The following CNTN4 variants were observed in gnomAD, a reference collection of about 807,000 sequenced individuals.
The protein encoded by CNTN4 is contactin-4.
A neutral mutation model predicts 122.5 loss-of-function variants in CNTN4; 77 were observed. That is an observed-to-expected ratio of 0.63 (90% CI 0.52 to 0.76). The LOEUF (loss-of-function observed/expected upper bound fraction) is 0.76. Among genes scored for constraint, CNTN4 ranks in the 30% least tolerant of loss-of-function variants. The pLI is 0.00. For synonymous variants in CNTN4, 512 were observed against 447.0 expected, an observed-to-expected ratio of 1.15 and a Z score of -1.83; for missense variants, 1,256 against 1,259.1, an observed-to-expected ratio of 1.00 and a Z score of 0.04.
chr3:2,966,177 C>G (rs1249566554), intron 13 of CNTN4, among the ~76,000 whole-genome samples: 1 of 152,014 alleles, frequency 6.6e-6, no homozygotes, highest in South Asian at 2.1e-4. Flanking sequence ...CAGCTAGTAT[C>G]AAATTTTAAA....
At chr3:2,946,290 A>G (rs528488444) in intron 13 of CNTN4, among the ~76,000 whole-genome samples, 1 of 152,000 alleles carries the variant, frequency 6.6e-6, no homozygotes, top group Non-Finnish European at 1.5e-5. Flanking sequence ...GCTTTGGAAA[A>G]TCCCTCCTGA....
At chr3:2,960,018 C>T (rs1047113882) in intron 13 of CNTN4, among the ~76,000 whole-genome samples, 22 of 152,100 alleles carry the variant, frequency 1.4e-4, no homozygotes, top group African/African-American at 5.3e-4. Flanking sequence ...TGAAATCTGT[C>T]TCATGATATC....
chr3:2,986,735 A>G (rs1329486798), intron 13 of CNTN4, among the ~76,000 whole-genome samples: 1 of 152,160 alleles, frequency 6.6e-6, no homozygotes, highest in Non-Finnish European at 1.5e-5. Context: ...ACCACTCTGA[A>G]TTCCTACAAC....
At chr3:2,178,262 T>A (rs999570975) in intron 2 of CNTN4, among the ~76,000 whole-genome samples, 1 of 152,060 alleles carries the variant, frequency 6.6e-6, no homozygotes, top group African/African-American at 2.4e-5. Context: ...CAAAGGTACA[T>A]ACTTTTTTTT....
At chr3:2,937,250 C>T (rs539571847) in intron 13 of CNTN4, among the ~76,000 whole-genome samples, 1 of 152,216 alleles carries the variant, frequency 6.6e-6, no homozygotes, top group South Asian at 2.1e-4. Context: ...GTGGGAGGTC[C>T]GAATTATCTC....
chr3:2,236,748 C>T (rs1350669527), intron 2 of CNTN4, among the ~76,000 whole-genome samples: 1 of 152,194 alleles, frequency 6.6e-6, no homozygotes, highest in African/African-American at 2.4e-5. Flanking sequence ...TATTGGATGT[C>T]AGGCTCTGCA....
At chr3:2,432,262 C>T (rs1001174339) in intron 3 of CNTN4, among the ~76,000 whole-genome samples, 8 of 152,156 alleles carry the variant, frequency 5.3e-5, no homozygotes, top group Non-Finnish European at 1.0e-4. Flanking sequence ...TGTGCTTATG[C>T]ATTCATGTGT....
chr3:2,289,329 T>C (rs915218933), intron 2 of CNTN4, among the ~76,000 whole-genome samples: 9 of 152,300 alleles, frequency 5.9e-5, no homozygotes, highest in Admixed American at 2.0e-4. Flanking sequence ...ATTTGACCTA[T>C]GTTTCTCATT....
At chr3:2,220,485 G>C (rs1301716695) in intron 2 of CNTN4, among the ~76,000 whole-genome samples, 1 of 152,028 alleles carries the variant, frequency 6.6e-6, no homozygotes, top group Admixed American at 6.6e-5. Context: ...TCAAATATTT[G>C]TATCTGTCTA....
chr3:2,172,932 A>G (rs1199048913), intron 2 of CNTN4, among the ~76,000 whole-genome samples: 1 of 152,176 alleles, frequency 6.6e-6, no homozygotes, highest in African/African-American at 2.4e-5. Context: ...AAGAAAGGCA[A>G]AGATGATTGA....
intron 6 of CNTN4, among the ~76,000 whole-genome samples, chr3:2,813,477 C>CT (rs929966287): frequency 6.6e-6 from 1 of 151,920 alleles, no homozygotes; most frequent in African/African-American, 2.4e-5. Context: ...ATCATTTTTC[C>CT]TTTTTTTCTT....
intron 9 of CNTN4, among the ~76,000 whole-genome samples, chr3:2,885,459 T>G (rs1559619257): frequency 6.6e-6 from 1 of 152,172 alleles, no homozygotes; most frequent in African/African-American, 2.4e-5. Context: ...AATATATAAA[T>G]GACAAGGAGA....
intron 14 of CNTN4, among the ~76,000 whole-genome samples, chr3:3,022,289 G>T (rs112088281): frequency 6.6e-6 from 1 of 152,232 alleles, no homozygotes; most frequent in Non-Finnish European, 1.5e-5. Flanking sequence ...GGTGTTGCAT[G>T]CCTCTAGTCC....
At chr3:2,491,824 G>A (rs2076325256) in intron 3 of CNTN4, among the ~76,000 whole-genome samples, 1 of 152,160 alleles carries the variant, frequency 6.6e-6, no homozygotes, top group South Asian at 2.1e-4. Flanking sequence ...CTTCCGTCAA[G>A]GAGCAGACTG....
intron 3 of CNTN4, among the ~76,000 whole-genome samples, chr3:2,552,046 T>A (rs2078530549): frequency 1.3e-5 from 2 of 152,162 alleles, no homozygotes; most frequent in African/African-American, 4.8e-5. Flanking sequence ...TCCACTCTGT[T>A]AAGGAAAATA....
At chr3:2,654,025 T>G (rs34833809) in intron 4 of CNTN4, among the ~76,000 whole-genome samples, 4 of 152,270 alleles carry the variant, frequency 2.6e-5, no homozygotes, top group African/African-American at 9.6e-5. Flanking sequence ...CTTTGTTTTG[T>G]TGCCCTTGGT....
intron 2 of CNTN4, among the ~76,000 whole-genome samples, chr3:2,114,491 G>A (rs1021622942): frequency 6.6e-6 from 1 of 151,944 alleles, no homozygotes; most frequent in East Asian, 1.9e-4. Flanking sequence ...AAGAAAGAGG[G>A]TATAGTATGT....
At chr3:2,384,761 C>CGT (rs67019083) in intron 3 of CNTN4, among the ~76,000 whole-genome samples, 38,105 of 147,760 alleles carry the variant, frequency 0.26, 4,849 homozygotes, top group Middle Eastern at 0.32. Context: ...TCAATGTGTG[C>CGT]GTGTGTGTGT....
intron 23 of CNTN4, among the ~76,000 whole-genome samples, chr3:3,050,021 C>T (rs1701092607): frequency 6.6e-6 from 1 of 152,162 alleles, no homozygotes; most frequent in Non-Finnish European, 1.5e-5. Flanking sequence ...ACACCCAGTG[C>T]TGGGAGGGAG....
Sources: gnomAD v4.1 joint callset for allele counts (sites outside exome capture counted in the v4.1 genomes callset) on GRCh38, gnomAD v4.1.1 for gene constraint, MANE v1.5 for transcripts, NCBI Gene and HGNC (gene_info 2026-07-23, HGNC 2026-07-21) for gene names.